TYW1B: variants seen among roughly 807,000 people sequenced by gnomAD.
The protein encoded by TYW1B is S-adenosyl-L-methionine-dependent tRNA 4-demethylwyosine synthase TYW1B.
Under a neutral mutation model 86.9 loss-of-function variants are expected in TYW1B, and 73 were observed. That is an observed-to-expected ratio of 0.84 (90% confidence interval 0.70 to 1.02). The LOEUF (loss-of-function observed/expected upper bound fraction) is 1.02, where lower values mean the gene tolerates loss of function less well. TYW1B is among the 50% of genes least tolerant of loss of function. The pLI, the probability that TYW1B is intolerant of heterozygous loss-of-function variation, is 0.00. For missense variants in TYW1B, 637 were observed against 827.4 expected, an observed-to-expected ratio of 0.77 and a Z score of 2.82; for synonymous variants, 248 against 292.8, an observed-to-expected ratio of 0.85 and a Z score of 1.56.
chr7:72,658,709 A>G (rs1406991858), intron 11 of TYW1B, among the ~76,000 whole-genome samples: 2 of 152,208 alleles, frequency 1.3e-5, no homozygotes, highest in Non-Finnish European at 2.9e-5. Context: ...ATATATAAAC[A>G]TAAGACTATT....
intron 7 of TYW1B, chr7:72,769,009 AT>A (rs1787822057): frequency 3.0e-6 from 1 of 330,492 alleles, no homozygotes; most frequent in Admixed American, 3.7e-5. Context: ...CTACACATTT[AT>A]AAGAGAAAGA....
intron 12 of TYW1B, among the ~76,000 whole-genome samples, chr7:72,618,884 C>A (rs1812145986): frequency 6.6e-6 from 1 of 152,120 alleles, no homozygotes; most frequent in Non-Finnish European, 1.5e-5. Context: ...GAAACTCCCT[C>A]TGCTTGTGAG....
At chr7:72,748,141 C>A (rs1380393256) in intron 7 of TYW1B, among the ~76,000 whole-genome samples, 1 of 151,872 alleles carries the variant, frequency 6.6e-6, no homozygotes, top group African/African-American at 2.4e-5. Flanking sequence ...TGGTGGCGGG[C>A]GCCTGTAGTC....
At chr7:72,800,607 G>T (rs1788387465) in intron 6 of TYW1B, among the ~76,000 whole-genome samples, 2 of 150,662 alleles carry the variant, frequency 1.3e-5, no homozygotes, top group African/African-American at 4.9e-5. Context: ...TGTTGCAAGG[G>T]TCTTTGTCTC....
intron 13 of TYW1B, among the ~76,000 whole-genome samples, chr7:72,594,000 G>A (rs1485025870): frequency 6.6e-6 from 1 of 151,828 alleles, no homozygotes; most frequent in South Asian, 2.1e-4. Context: ...ATATCAAAAC[G>A]TATGGGACAC....
intron 12 of TYW1B, among the ~76,000 whole-genome samples, chr7:72,623,583 G>A (rs138221108): frequency 6.6e-6 from 1 of 152,198 alleles, no homozygotes; most frequent in Non-Finnish European, 1.5e-5. Context: ...CTGTCTACTA[G>A]GACCATGGAG....
intron 13 of TYW1B, among the ~76,000 whole-genome samples, chr7:72,590,868 A>T (rs1811381228): frequency 6.6e-6 from 1 of 152,218 alleles, no homozygotes; most frequent in Non-Finnish European, 1.5e-5. Context: ...GAAAGGGTAG[A>T]TGGCAGATCC....
chr7:72,693,226 T>C (rs1814216517), intron 11 of TYW1B, among the ~76,000 whole-genome samples: 2 of 152,118 alleles, frequency 1.3e-5, no homozygotes, highest in South Asian at 4.2e-4. Flanking sequence ...ACCAGATGAT[T>C]ACTTTAGGTG....
chr7:72,594,522 C>T (rs1360512232), intron 13 of TYW1B, among the ~76,000 whole-genome samples: 1 of 152,098 alleles, frequency 6.6e-6, no homozygotes, highest in Non-Finnish European at 1.5e-5. Context: ...TTAAGATCTC[C>T]CTACGAAGAA....
intron 9 of TYW1B, among the ~76,000 whole-genome samples, chr7:72,717,942 C>A (rs1554456545): frequency 1.3e-5 from 2 of 152,064 alleles, no homozygotes; most frequent in Admixed American, 1.3e-4. Flanking sequence ...GAACTACCAT[C>A]CAACCTAGCA....
intron 11 of TYW1B, among the ~76,000 whole-genome samples, chr7:72,643,025 T>A (rs1417055789): frequency 1.3e-5 from 2 of 152,208 alleles, no homozygotes; most frequent in African/African-American, 4.8e-5. Flanking sequence ...GATCACACTG[T>A]TTTGTAAATA....
intron 10 of TYW1B, chr7:72,698,030 T>G (rs1338764354): frequency 6.5e-6 from 1 of 154,048 alleles, no homozygotes; most frequent in African/African-American, 2.4e-5. Flanking sequence ...AACAGTGACT[T>G]TGAAGCTCCT....
At chr7:72,782,353 C>A (rs1554471791) in intron 6 of TYW1B, among the ~76,000 whole-genome samples, 1 of 152,092 alleles carries the variant, frequency 6.6e-6, no homozygotes. Context: ...ACCATCATCC[C>A]AGAAACCACA....
At chr7:72,813,170 T>A (rs1168846911) in intron 3 of TYW1B, among the ~76,000 whole-genome samples, 1 of 148,496 alleles carries the variant, frequency 6.7e-6, no homozygotes, top group Non-Finnish European at 1.5e-5. Flanking sequence ...ACATACTTCT[T>A]CTTTTTTTTT....
chr7:72,578,334 C>A (rs545214953), intron 13 of TYW1B, among the ~76,000 whole-genome samples: 2 of 152,196 alleles, frequency 1.3e-5, no homozygotes, highest in South Asian at 4.2e-4. Context: ...CCAGGATGGT[C>A]TCGATCTCCT....
chr7:72,629,698 C>G (rs1554439550), intron 11 of TYW1B, among the ~76,000 whole-genome samples: 1 of 152,092 alleles, frequency 6.6e-6, no homozygotes, highest in Non-Finnish European at 1.5e-5. Context: ...AGGCACATAT[C>G]ATCATGCCCG....
chr7:72,579,949 C>A (rs1382655173), intron 13 of TYW1B, among the ~76,000 whole-genome samples: 2 of 152,228 alleles, frequency 1.3e-5, no homozygotes, highest in East Asian at 3.8e-4. Flanking sequence ...CCGCACCCAG[C>A]CCTGATGTCT....
At chr7:72,820,715 T>G (rs1424035622) in intron 2 of TYW1B, among the ~76,000 whole-genome samples, 1 of 152,082 alleles carries the variant, frequency 6.6e-6, no homozygotes, top group African/African-American at 2.4e-5. Flanking sequence ...GATTCATCTA[T>G]TCAGGAGGGA....
intron 7 of TYW1B, among the ~76,000 whole-genome samples, chr7:72,745,855 T>TAG (rs1787385495): frequency 3.1e-5 from 2 of 64,772 alleles, no homozygotes; most frequent in Non-Finnish European, 5.5e-5. Flanking sequence ...TATAGGGGTG[T>TAG]GTGTGTGTGT....
Sources: allele counts gnomAD v4.1 joint callset (sites outside exome capture counted in the v4.1 genomes callset), GRCh38; gene constraint gnomAD v4.1.1; transcripts MANE v1.5; gene names NCBI Gene and HGNC (gene_info 2026-07-23, HGNC 2026-07-21).